Variants in ADAMTS18 observed in about 807,000 individuals in gnomAD.
ADAMTS18 encodes ADAM metallopeptidase with thrombospondin type 1 motif 18.
Under a neutral mutation model 165.9 loss-of-function variants are expected in ADAMTS18, and 157 were observed. The ratio of observed to expected loss-of-function variants is 0.95; its 90% CI spans 0.83 to 1.08. The LOEUF (loss-of-function observed/expected upper bound fraction) is 1.08, where lower values mean the gene tolerates loss of function less well. ADAMTS18 is among the 50% of genes least tolerant of loss of function. The pLI, the probability that ADAMTS18 is intolerant of heterozygous loss-of-function variation, is 0.00. For synonymous variants in ADAMTS18, 782 were observed against 578.2 expected (o/e 1.35, Z -5.06); for missense variants, 2,040 against 1,534.0 (o/e 1.33, Z -5.51).
Position 77,434,351 on chromosome 16 carries a change from C to T in ADAMTS18, c.178+67G>A, listed in dbSNP as rs1030287005. ...GGGTGCGCTTTTCCATCTTTTCTCT[C>T]TTTGGGGGAAGGAAGGGTCAAAGTG... On this transcript the variant is annotated intron_variant, in intron 2 of 22. Transcript: ENST00000282849. 10 of 1,521,146 alleles carry T rather than the reference C, an allele frequency of 6.6e-6. No individual in the cohort carries two copies. In the African/African-American group the frequency reaches 9.6e-5, roughly 15 times the overall value. The allele number at this position is 1,521,146 out of a possible 1,614,324, so 94.2% of individuals were successfully genotyped here.
chr16:77,374,218 C>CA (rs567551649), intron 3 of ADAMTS18, among the ~76,000 whole-genome samples: 4,242 of 85,186 alleles, frequency 0.05, 109 homozygotes, highest in African/African-American at 0.081. Flanking sequence ...GACTCCATCT[C>CA]AAAAAAAAAA....
rs746813257 is a variant in ADAMTS18 at position 77,431,526 on chromosome 16, T to C, written c.264A>G (p.Arg88=). The C allele has an allele frequency of 3.7e-6, 6 of 1,614,054 alleles. No homozygotes were observed. In the South Asian group the frequency reaches 6.6e-5, roughly 18 times the overall value. ...HDILHNGRKK[R]SAQNARSSLH... ...GGGAGCTTCTGGCATTCTGCGCCGA[T>C]CGCTTTTTCCTGCCGTTGTGCAAAA... Residue 88 remains arginine, a synonymous_variant, in exon 3 of 23, where the codon CGA becomes CGG. Transcript: ENST00000282849.
intron 9 of ADAMTS18, among the ~76,000 whole-genome samples, chr16:77,355,453 T>C (rs1247237007): frequency 3.3e-5 from 5 of 152,146 alleles, no homozygotes; most frequent in African/African-American, 1.2e-4. Flanking sequence ...AAACACACAC[T>C]CATACCATTT....
intron 21 of ADAMTS18, 109 bp downstream of exon 21, chr16:77,291,157 T>G: frequency 8.0e-7 from 1 of 1,247,374 alleles, no homozygotes; most frequent in East Asian, 2.5e-5. Flanking sequence ...GAGCCCTTAG[T>G]TGTTTTTACT....
At chr16:77,298,598 C>G (rs2055520540) in intron 17 of ADAMTS18, among the ~76,000 whole-genome samples, 1 of 151,996 alleles carries the variant, frequency 6.6e-6, no homozygotes, top group Non-Finnish European at 1.5e-5. Context: ...TTGACACCAG[C>G]CTGGGCAACA....
intron 3 of ADAMTS18, among the ~76,000 whole-genome samples, chr16:77,389,755 C>T (rs990692219): frequency 6.6e-6 from 1 of 152,168 alleles, no homozygotes; most frequent in Admixed American, 6.5e-5. Context: ...GGGGAAGGAA[C>T]TCCATGTGAG....
intron 3 of ADAMTS18, among the ~76,000 whole-genome samples, chr16:77,425,236 G>A (rs938903973): frequency 1.3e-5 from 2 of 152,122 alleles, no homozygotes; most frequent in South Asian, 2.1e-4. Context: ...GGGGAGAAAC[G>A]CCACTTACGG....
At chr16:77,383,083 T>C (rs78491008) in intron 3 of ADAMTS18, among the ~76,000 whole-genome samples, 13,075 of 152,210 alleles carry the variant, frequency 0.086, 757 homozygotes, top group East Asian at 0.25. Flanking sequence ...GAACAACTAA[T>C]CTCTTGAGCT....
intron 6 of ADAMTS18, among the ~76,000 whole-genome samples, chr16:77,363,580 A>G (rs1018216206): frequency 1.3e-5 from 2 of 151,112 alleles, no homozygotes; most frequent in African/African-American, 2.4e-5. Context: ...TTATGTATAC[A>G]TATGCATATA....
chr16:77,287,345 C>T (rs563400509), intron 22 of ADAMTS18, among the ~76,000 whole-genome samples: 46 of 152,074 alleles, frequency 3.0e-4, no homozygotes, highest in Non-Finnish European at 5.3e-4. Flanking sequence ...TGTAATCATC[C>T]CTATACTTGG....
Position 77,361,542 on chromosome 16 carries a change from A to C in ADAMTS18, c.1216+563T>G, listed in dbSNP as rs1371838075. 2.6e-5 allele frequency among the ~76,000 whole-genome samples: 4 copies of C among 152,340 alleles called. No individual in the cohort carries two copies. The East Asian group carries it at 7.7e-4, about 29-fold the overall frequency. ...CTTACAGAATAACCTACAAGTTTCT[A>C]GTTAAATAATGTATCTCACACCTCA... On this transcript the variant is annotated intron_variant, in intron 7 of 22. Coordinates refer to ENST00000282849, the MANE Select transcript of ADAMTS18 (RefSeq NM_199355.4).
intron 3 of ADAMTS18, among the ~76,000 whole-genome samples, chr16:77,376,327 C>G (rs2056952192): frequency 6.6e-6 from 1 of 152,168 alleles, no homozygotes; most frequent in Non-Finnish European, 1.5e-5. Flanking sequence ...GGAAATCCAC[C>G]CCCAAGATCC....
At chr16:77,290,337 A>AACTTTATAAAAACAGGCAGGTATT (rs1324514270) in intron 21 of ADAMTS18, among the ~76,000 whole-genome samples, 17 of 152,218 alleles carry the variant, frequency 1.1e-4, no homozygotes, top group Admixed American at 3.9e-4. Context: ...ATTCCAGTTA[A>AACTTTATAAAAACAGGCAGGTATT]ACTTTATAAA....
In ADAMTS18 at chr16:77,338,231, TTTGTTG is replaced by T. The variant is rs201841943; in HGVS notation, c.1711-2333_1711-2328del. ...ATCTTTTCATACATACATATTTTTCTTTGTTGTTGTTGTTGTTGTTTTTAGACAGGT... is the reference window on the plus strand; with the variant it reads ...ATCTTTTCATACATACATATTTTTCTTTGTTGTTGTTGTTTTTAGACAGGT... On this transcript the variant is annotated intron_variant, in intron 11 of 22. Coordinates refer to ENST00000282849, the MANE Select transcript of ADAMTS18 (RefSeq NM_199355.4). Among the ~76,000 whole-genome samples, 10 of 151,902 alleles carry T rather than the reference TTTGTTG, an allele frequency of 6.6e-5. No individual in the cohort carries two copies. The South Asian group carries it at 1.9e-3, about 29-fold the overall frequency.
intron 16 of ADAMTS18, among the ~76,000 whole-genome samples, chr16:77,301,251 T>C (rs1437916068): frequency 6.6e-6 from 1 of 150,448 alleles, no homozygotes. Flanking sequence ...CTAACAACTC[T>C]ATAATGTAGC....
chr16:77,385,686 C>T (rs991998705), intron 3 of ADAMTS18, among the ~76,000 whole-genome samples: 6 of 152,170 alleles, frequency 3.9e-5, no homozygotes, highest in South Asian at 2.1e-4. Context: ...AAGTACGCTA[C>T]GTGGCATCAA....
chr16:77,434,703 T>C lies in ADAMTS18; in HGVS notation c.-8A>G, dbSNP rs2057776390. ...CAGGAGGGCGCACTCCATGGTCAGG[T>C]GCGGACGCGGCGGCTGCGGGTGGCC... On this transcript the variant is annotated 5_prime_UTR_variant, in exon 1 of 23. Transcript: ENST00000282849. The C allele has an allele frequency of 6.9e-7, 1 of 1,441,284 alleles. No individual in the cohort carries two copies. Among genetic ancestry groups the C allele is most frequent in the Non-Finnish European group, 9.1e-7 (1 of 1,099,798 alleles). The allele number at this position is 1,441,284 out of a possible 1,614,324, so 89.3% of individuals were successfully genotyped here.
intron 17 of ADAMTS18, among the ~76,000 whole-genome samples, chr16:77,297,785 T>C (rs1184697938): frequency 6.6e-6 from 1 of 152,048 alleles, no homozygotes; most frequent in Non-Finnish European, 1.5e-5. Context: ...TCGTGAGTTA[T>C]ATATGGAAAC....
chr16:77,364,925 G>C (rs1219218899), intron 4 of ADAMTS18, among the ~76,000 whole-genome samples: 1 of 151,834 alleles, frequency 6.6e-6, no homozygotes, highest in Admixed American at 6.6e-5. Flanking sequence ...GGCCAACATG[G>C]TGAAACCCCA....
Sources: gnomAD v4.1 joint callset for allele counts (sites outside exome capture counted in the v4.1 genomes callset) on GRCh38, gnomAD v4.1.1 for gene constraint, MANE v1.5 for transcripts, NCBI Gene and HGNC (gene_info 2026-07-23, HGNC 2026-07-21) for gene names.